LRRC69: variants seen among roughly 807,000 people sequenced by gnomAD.
LRRC69 encodes leucine rich repeat containing 69, also known as leucine-rich repeat-containing protein 69.
LRRC69 carries 42 observed loss-of-function variants against 37.8 expected under a neutral mutation model. The ratio of observed to expected loss-of-function variants is 1.11; its 90% CI spans 0.87 to 1.44. The LOEUF (loss-of-function observed/expected upper bound fraction) is 1.44, where lower values mean the gene tolerates loss of function less well. LRRC69 is among the 40% of genes most tolerant of loss of function. The pLI is 0.00. For missense variants in LRRC69, 357 were observed against 401.9 expected (o/e 0.89, Z 0.96); for synonymous variants, 141 against 143.1 (o/e 0.99, Z 0.11).
At chr8:91,113,624 G>C (rs1813449649) in intron 1 of LRRC69, among the ~76,000 whole-genome samples, 2 of 151,802 alleles carry the variant, frequency 1.3e-5, no homozygotes, top group Admixed American at 6.6e-5. Flanking sequence ...AGGAAACATA[G>C]GGAAAAACTT....
At chr8:91,216,782 C>T (rs1285847540) in intron 7 of LRRC69, among the ~76,000 whole-genome samples, 1 of 152,062 alleles carries the variant, frequency 6.6e-6, no homozygotes, top group African/African-American at 2.4e-5. Context: ...GTCTGTCATT[C>T]AAAAATACTT....
intron 2 of LRRC69, 124 bp from the exon 3 acceptor site, chr8:91,126,964 C>T (rs1350746731): frequency 3.8e-5 from 26 of 681,662 alleles, no homozygotes; most frequent in Non-Finnish European, 6.3e-5. Context: ...TTTCTGTTAC[C>T]ACCACCAAAA....
intron 5 of LRRC69, among the ~76,000 whole-genome samples, chr8:91,136,750 A>G (rs980583139): frequency 6.6e-6 from 1 of 151,958 alleles, no homozygotes; most frequent in African/African-American, 2.4e-5. Context: ...CATATCTACT[A>G]TATATCTCTG....
At chr8:91,157,494 G>A in intron 5 of LRRC69, 1 of 1,575,964 alleles carries the variant, frequency 6.3e-7, no homozygotes, top group Non-Finnish European at 8.7e-7. Flanking sequence ...ATTGGAGACA[G>A]AAAGATGTAG....
At chr8:91,176,151 T>TTTTTTC (rs1348253771) in intron 5 of LRRC69, among the ~76,000 whole-genome samples, 1 of 144,444 alleles carries the variant, frequency 6.9e-6, no homozygotes, top group African/African-American at 2.6e-5. Context: ...TTTTTTCTTT[T>TTTTTTC]TTTTGAGACA....
At chr8:91,155,021 A>G (rs1808807750) in intron 5 of LRRC69, among the ~76,000 whole-genome samples, 1 of 151,864 alleles carries the variant, frequency 6.6e-6, no homozygotes. Flanking sequence ...CAACTTCAGC[A>G]AAGTCTCAGG....
chr8:91,168,302 A>T (rs1371147897), intron 5 of LRRC69, among the ~76,000 whole-genome samples: 1 of 151,862 alleles, frequency 6.6e-6, no homozygotes, highest in Non-Finnish European at 1.5e-5. Context: ...GATGACCAGA[A>T]ATATGTGATT....
At chr8:91,118,502 C>A (rs947504686) in intron 1 of LRRC69, 2 of 285,012 alleles carry the variant, frequency 7.0e-6, no homozygotes, top group South Asian at 6.1e-5. Flanking sequence ...GCACGCCAGC[C>A]TGGGTGACAG....
intron 1 of LRRC69, among the ~76,000 whole-genome samples, chr8:91,122,743 A>G (rs547403645): frequency 6.6e-6 from 1 of 152,048 alleles, no homozygotes; most frequent in African/African-American, 2.4e-5. Context: ...TGCATGTTTC[A>G]CTAAATTTAG....
At chr8:91,192,923 A>C (rs572884456) in intron 6 of LRRC69, among the ~76,000 whole-genome samples, 1 of 152,036 alleles carries the variant, frequency 6.6e-6, no homozygotes, top group Non-Finnish European at 1.5e-5. Context: ...TCCTTGCCCA[A>C]GCCTATGTCC....
intron 7 of LRRC69, among the ~76,000 whole-genome samples, chr8:91,202,625 C>T (rs561891687): frequency 3.3e-5 from 5 of 152,072 alleles, no homozygotes; most frequent in Admixed American, 1.3e-4. Context: ...CTTTTTGATT[C>T]GAGGAACTGA....
intron 5 of LRRC69, among the ~76,000 whole-genome samples, chr8:91,149,640 A>G (rs989542383): frequency 1.3e-5 from 2 of 151,964 alleles, no homozygotes; most frequent in Non-Finnish European, 2.9e-5. Flanking sequence ...TGTTAGCTTG[A>G]TGGGGATGGC....
chr8:91,185,603 TATC>T (rs1192666687), intron 5 of LRRC69, among the ~76,000 whole-genome samples: 2 of 152,262 alleles, frequency 1.3e-5, no homozygotes, highest in South Asian at 2.1e-4. Context: ...GTTCAAATGA[TATC>T]ATCAGCCTAA....
At chr8:91,114,650 C>T (rs1045606015) in intron 1 of LRRC69, among the ~76,000 whole-genome samples, 6 of 152,012 alleles carry the variant, frequency 3.9e-5, no homozygotes, top group Non-Finnish European at 8.8e-5. Flanking sequence ...AGTACAGTAA[C>T]ATGCTGTATT....
intron 7 of LRRC69, among the ~76,000 whole-genome samples, chr8:91,206,434 G>A (rs1450056871): frequency 1.3e-5 from 2 of 152,174 alleles, no homozygotes; most frequent in Admixed American, 6.6e-5. Context: ...CAAGATGGGA[G>A]TAAATATGTA....
intron 5 of LRRC69, among the ~76,000 whole-genome samples, chr8:91,183,191 T>G (rs1809351977): frequency 6.6e-6 from 1 of 152,196 alleles, no homozygotes; most frequent in Non-Finnish European, 1.5e-5. Context: ...AATGGAAATC[T>G]CAGAGTTTTA....
At chr8:91,211,912 AT>A (rs1226828074) in intron 7 of LRRC69, among the ~76,000 whole-genome samples, 1 of 152,112 alleles carries the variant, frequency 6.6e-6, no homozygotes, top group Non-Finnish European at 1.5e-5. Flanking sequence ...AATTGCTTCT[AT>A]TCAGGTGAAT....
intron 5 of LRRC69, among the ~76,000 whole-genome samples, chr8:91,142,657 G>A (rs1261835789): frequency 6.6e-6 from 1 of 151,986 alleles, no homozygotes; most frequent in Non-Finnish European, 1.5e-5. Flanking sequence ...TTGCATTTCT[G>A]TTATGTTCTT....
intron 7 of LRRC69, among the ~76,000 whole-genome samples, chr8:91,217,945 A>T (rs1218521566): frequency 6.6e-6 from 1 of 152,098 alleles, no homozygotes; most frequent in South Asian, 2.1e-4. Flanking sequence ...AGGGGATGTG[A>T]CTTATGACTT....
Sources: allele counts gnomAD v4.1 joint callset (sites outside exome capture counted in the v4.1 genomes callset), GRCh38; gene constraint gnomAD v4.1.1; transcripts MANE v1.5; gene names NCBI Gene and HGNC (gene_info 2026-07-23, HGNC 2026-07-21).